SETD5: variants seen among roughly 807,000 people sequenced by gnomAD.
The protein encoded by SETD5 is histone-lysine N-methyltransferase SETD5.
Under a neutral mutation model 153.3 loss-of-function variants are expected in SETD5, and 44 were observed. The observed-to-expected ratio is 0.29, with a 90% CI of 0.23 to 0.37. The LOEUF is 0.37. SETD5 is among the 10% of genes least tolerant of loss of function. The pLI, the probability that SETD5 is intolerant of heterozygous loss-of-function variation, is 1.00. For synonymous variants in SETD5, 716 were observed against 645.2 expected (o/e 1.11, Z -1.66); for missense variants, 1,544 against 1,768.0 (o/e 0.87, Z 2.27).
At chr3:9,463,054 C>T (rs944243393) in intron 17 of SETD5, among the ~76,000 whole-genome samples, 1 of 152,048 alleles carries the variant, frequency 6.6e-6, no homozygotes, top group African/African-American at 2.4e-5. Flanking sequence ...TCTCCTCCCT[C>T]TGTCACCCAG....
intron 18 of SETD5, among the ~76,000 whole-genome samples, chr3:9,469,430 A>G (rs191443258): frequency 4.3e-4 from 65 of 152,314 alleles, no homozygotes; most frequent in South Asian, 2.1e-4. Context: ...CTTTAACCCT[A>G]TCCCCTTCCA....
intron 18 of SETD5, among the ~76,000 whole-genome samples, chr3:9,467,458 C>T (rs961557928): frequency 1.3e-5 from 2 of 151,916 alleles, no homozygotes; most frequent in African/African-American, 2.4e-5. Flanking sequence ...CCTATTCTTG[C>T]CCTGAGAGCC....
In SETD5 at chr3:9,447,138, A is replaced by C. The variant is rs745425644; in HGVS notation, c.1613A>C (p.Gln538Pro). The change falls in exon 14 of 23, where the codon CAG (glutamine) becomes CCG (proline). Residue 538 changes from glutamine to proline, a missense_variant. Physicochemically the swap from Gln to Pro is moderately conservative, Grantham distance 76. Coordinates refer to ENST00000402198, the MANE Select transcript of SETD5 (RefSeq NM_001080517.3). ...AAGCGGCGGGATCAGCCCTTGGAAC[A>C]GAGCAACTCTGATGTAGAGATTACT... Reference protein sequence around the residue: ...RKKRRDQPLEQSNSDVEITTT... With the variant: ...RKKRRDQPLEPSNSDVEITTT... 2 of 1,614,048 alleles carry C rather than the reference A, an allele frequency of 1.2e-6. No individual in the cohort carries two copies. The highest frequency in any genetic ancestry group is 4.5e-5 in the East Asian group (2 of 44,876).
intron 1 of SETD5, among the ~76,000 whole-genome samples, chr3:9,421,179 A>G (rs752702463): frequency 6.6e-6 from 1 of 152,142 alleles, no homozygotes; most frequent in Non-Finnish European, 1.5e-5. Context: ...AGACAACACA[A>G]TGAAGATTTT....
intron 12 of SETD5, 21 bp downstream of exon 12, chr3:9,445,321 G>C (rs533362276): frequency 1.3e-6 from 2 of 1,592,420 alleles, no homozygotes; most frequent in Admixed American, 3.5e-5. Context: ...CTGGTCAAAT[G>C]ATGATGCTAT....
At chr3:9,445,608 A>G in intron 12 of SETD5, 49 bp from the exon 13 acceptor site, 1 of 1,516,120 alleles carries the variant, frequency 6.6e-7, no homozygotes, top group Non-Finnish European at 9.1e-7. Flanking sequence ...AAACAGATTG[A>G]TTTTTTCTCA....
Position 9,397,748 on chromosome 3 carries a change from C to G in SETD5, c.-406C>G, listed in dbSNP as rs1038801001. The G allele has an allele frequency of 5.9e-6, 1 of 168,846 alleles. No homozygotes were observed. The highest frequency in any genetic ancestry group is 1.2e-5 in the Non-Finnish European group (1 of 81,870). 10.5% of individuals were successfully genotyped at this position (168,846 alleles called of 1,614,324 possible). On this transcript the variant is annotated 5_prime_UTR_variant, in exon 1 of 23. Transcript: ENST00000402198. ...AGAGACTCACGCAGCCCCAGTCCCG[C>G]CAGTCCGCCAACACAGTAGTGCCGG...
At chr3:9,433,624 C>A in intron 3 of SETD5, 2 of 1,025,080 alleles carry the variant, frequency 2.0e-6, no homozygotes, top group Non-Finnish European at 2.7e-6. Flanking sequence ...CAGACATCTG[C>A]CTGTACTGGC....
Position 9,406,607 on chromosome 3 carries a change from C to CAAAAAAAAAAAAAAAAAAA in SETD5, c.-177+8644_-177+8645insAAAAAAAAAAAAAAAAAAA, listed in dbSNP as rs746999028. On this transcript the variant is annotated intron_variant, in intron 1 of 22. Transcript: ENST00000402198. ...TGGGCGACAGAGCGAGACTCTGTCT[C>CAAAAAAAAAAAAAAAAAAA]AAAAAAAAAAAAAAGAATAGATCTG... Among the ~76,000 whole-genome samples the CAAAAAAAAAAAAAAAAAAA allele has an allele frequency of 3.5e-4, 35 of 99,234 alleles. 2 individuals are homozygous for CAAAAAAAAAAAAAAAAAAA. Among genetic ancestry groups the CAAAAAAAAAAAAAAAAAAA allele is most frequent in the African/African-American group, 1.3e-3 (33 of 25,412 alleles). The allele number at this position is 99,234 out of a possible 152,430, so 65.1% of individuals were successfully genotyped here.
intron 17 of SETD5, chr3:9,454,102 G>A (rs1161342287): frequency 3.9e-6 from 1 of 255,250 alleles, no homozygotes; most frequent in Admixed American, 5.5e-5. Context: ...TATAAAAAAG[G>A]TTAGATACAT....
At chr3:9,415,023 T>A (rs1243956446) in intron 1 of SETD5, among the ~76,000 whole-genome samples, 2 of 152,178 alleles carry the variant, frequency 1.3e-5, no homozygotes, top group Non-Finnish European at 2.9e-5. Context: ...GTGCTAGAAT[T>A]CTGGACTTTG....
intron 17 of SETD5, among the ~76,000 whole-genome samples, chr3:9,456,834 G>A (rs1393948685): frequency 1.3e-5 from 2 of 151,822 alleles, no homozygotes; most frequent in Non-Finnish European, 2.9e-5. Flanking sequence ...AAATTAGCTG[G>A]GCATGGTGGC....
At chr3:9,431,299 T>G (rs942543868) in intron 3 of SETD5, 1 of 985,316 alleles carries the variant, frequency 1.0e-6, no homozygotes, top group Non-Finnish European at 1.2e-6. Context: ...CATGTTGTAC[T>G]TAGAACACTG....
intron 1 of SETD5, among the ~76,000 whole-genome samples, chr3:9,415,118 A>G (rs1272365990): frequency 2.0e-5 from 3 of 152,170 alleles, no homozygotes; most frequent in Admixed American, 1.3e-4. Context: ...TAAATATGGT[A>G]TATGGTTTTA....
chr3:9,464,304 CTT>C, intron 17 of SETD5, 119 bp from the exon 18 acceptor site: 1 of 1,387,482 alleles, frequency 7.2e-7, no homozygotes, highest in South Asian at 1.4e-5. Flanking sequence ...GAGGAGATAA[CTT>C]AATGGGATGA....
At position 9,476,155 on chromosome 3, in the gene SETD5, G is replaced by A. The variant is rs1328074257; in HGVS notation, c.*64G>A. 2.9e-5 allele frequency: 45 copies of A among 1,548,358 alleles called. No homozygotes were observed. Among genetic ancestry groups the A allele is most frequent in the East Asian group, 4.6e-5 (2 of 43,064 alleles). On this transcript the variant is annotated 3_prime_UTR_variant, in exon 23 of 23. Transcript: ENST00000402198. Reference sequence around the variant, plus strand: ...TAGCTGCTTCCTTCCAGCTGCCTCTGGAACCTAGGCCGAGCATATTGCTGA... The same window carrying A: ...TAGCTGCTTCCTTCCAGCTGCCTCTAGAACCTAGGCCGAGCATATTGCTGA...
chr3:9,423,597 A>C lies in SETD5; in HGVS notation c.-176-870A>C, dbSNP rs1490320553. Among the ~76,000 whole-genome samples the C allele has an allele frequency of 2.0e-5, 3 of 151,180 alleles. No individual in the cohort carries two copies. In the East Asian group the frequency reaches 5.8e-4, roughly 29 times the overall value. On this transcript the variant is annotated intron_variant, in intron 1 of 22. Coordinates refer to ENST00000402198, the MANE Select transcript of SETD5 (RefSeq NM_001080517.3). ...CTTCCTTCCTTTTACTGTTACTTTG[A>C]TACTTTTATTTCTCTAATTCTGGGT...
At chr3:9,406,303 T>C (rs750069308) in intron 1 of SETD5, among the ~76,000 whole-genome samples, 2 of 152,210 alleles carry the variant, frequency 1.3e-5, no homozygotes, top group Non-Finnish European at 2.9e-5. Context: ...AGCAGTATGA[T>C]TGATTATATG....
intron 1 of SETD5, among the ~76,000 whole-genome samples, chr3:9,400,358 A>G (rs1033518947): frequency 1.3e-5 from 2 of 152,206 alleles, no homozygotes; most frequent in Non-Finnish European, 2.9e-5. Flanking sequence ...AATTTTAAGA[A>G]TCTTTCTGAT....
Sources: allele counts gnomAD v4.1 joint callset (sites outside exome capture counted in the v4.1 genomes callset), GRCh38; gene constraint gnomAD v4.1.1; transcripts MANE v1.5; gene names NCBI Gene and HGNC (gene_info 2026-07-23, HGNC 2026-07-21).